Variants in SCN11A observed in about 807,000 individuals in gnomAD.
SCN11A encodes sodium voltage-gated channel alpha subunit 11, also known as sodium channel protein type 11 subunit alpha.
Under a neutral mutation model 162.2 loss-of-function variants are expected in SCN11A, and 122 were observed. The observed-to-expected ratio is 0.75, with a 90% CI of 0.65 to 0.87. SCN11A has a LOEUF of 0.87. Among genes scored for constraint, SCN11A ranks in the 40% least tolerant of loss-of-function variants. The pLI, the probability that SCN11A is intolerant of heterozygous loss-of-function variation, is 0.00. For missense variants in SCN11A, 2,015 were observed against 2,181.6 expected, an observed-to-expected ratio of 0.92 and a Z score of 1.52; for synonymous variants, 758 against 751.5, an observed-to-expected ratio of 1.01 and a Z score of -0.14.
At chr3:38,865,219 G>A (rs2065023383) in intron 27 of SCN11A, among the ~76,000 whole-genome samples, 1 of 152,166 alleles carries the variant, frequency 6.6e-6, no homozygotes. Flanking sequence ...ATGCATGTTT[G>A]AGATTTTCTG....
Position 38,867,209 on chromosome 3 carries a change from G to A in SCN11A, c.3951+112C>T, listed in dbSNP as rs1056086534. 8.6e-5 allele frequency: 86 copies of A among 995,924 alleles called. No homozygotes were observed. In the Middle Eastern group the frequency reaches 1.6e-3, roughly 19 times the overall value. 61.7% of individuals were successfully genotyped at this position (995,924 alleles called of 1,614,324 possible). On this transcript the variant is annotated intron_variant, in intron 27 of 29. Coordinates refer to ENST00000302328, the MANE Select transcript of SCN11A (RefSeq NM_001349253.2). Reference sequence around the variant, plus strand: ...CATGGGAGGCTCCCTCCTTGTTATTGTGCAGATCATAAAGGCTACTTTGTA... The same window carrying A: ...CATGGGAGGCTCCCTCCTTGTTATTATGCAGATCATAAAGGCTACTTTGTA...
chr3:39,020,406 G>C (rs760294793), intron 2 of SCN11A, among the ~76,000 whole-genome samples: 1 of 152,168 alleles, frequency 6.6e-6, no homozygotes, highest in Non-Finnish European at 1.5e-5. Flanking sequence ...GCAATGTGCC[G>C]ACAGGACAGT....
At chr3:38,892,011 A>G (rs1211157787) in intron 19 of SCN11A, among the ~76,000 whole-genome samples, 2 of 152,228 alleles carry the variant, frequency 1.3e-5, no homozygotes, top group Non-Finnish European at 2.9e-5. Flanking sequence ...GACAAAGAAA[A>G]GAGAAAATCT....
At chr3:38,944,518 G>A (rs935628500) in intron 7 of SCN11A, among the ~76,000 whole-genome samples, 5 of 151,532 alleles carry the variant, frequency 3.3e-5, no homozygotes, top group African/African-American at 7.3e-5. Context: ...AGTAGAGATG[G>A]GGTTTCACCA....
At chr3:38,902,422 A>G (rs551734190) in intron 16 of SCN11A, among the ~76,000 whole-genome samples, 1 of 152,298 alleles carries the variant, frequency 6.6e-6, no homozygotes, top group African/African-American at 2.4e-5. Context: ...CTGTGAGGAG[A>G]ACCACCCTGG....
chr3:39,023,155 A>C (rs2031497296), intron 2 of SCN11A, among the ~76,000 whole-genome samples: 1 of 152,218 alleles, frequency 6.6e-6, no homozygotes, highest in African/African-American at 2.4e-5. Context: ...GATTTGCTTC[A>C]ATATAATCTG....
intron 2 of SCN11A, among the ~76,000 whole-genome samples, chr3:39,014,260 T>C (rs1442753395): frequency 6.6e-6 from 1 of 152,194 alleles, no homozygotes; most frequent in Non-Finnish European, 1.5e-5. Context: ...CCTCATTGAG[T>C]AGAAATGCCT....
intron 1 of SCN11A, among the ~76,000 whole-genome samples, chr3:39,043,231 G>A (rs954398530): frequency 6.6e-6 from 1 of 152,108 alleles, no homozygotes; most frequent in South Asian, 2.1e-4. Context: ...AGGCACATTT[G>A]TACAACCATT....
intron 2 of SCN11A, among the ~76,000 whole-genome samples, chr3:38,994,101 T>C (rs1010756730): frequency 6.6e-6 from 1 of 152,196 alleles, no homozygotes; most frequent in Non-Finnish European, 1.5e-5. Flanking sequence ...GCTCCCCAAA[T>C]AAATTCTGTG....
chr3:38,887,492 CG>C (rs2065421970), intron 19 of SCN11A, among the ~76,000 whole-genome samples: 1 of 149,496 alleles, frequency 6.7e-6, no homozygotes, highest in Non-Finnish European at 1.5e-5. Context: ...TGCTAAATGA[CG>C]AGTTAATGCG....
In SCN11A at chr3:38,950,078, C is replaced by CCCCCCCCCCCCCCCCACCCCCCG. The variant is rs1553644472; in HGVS notation, c.267+17_267+18insCGGGGGGTGGGGGGGGGGGGGGG. Reference sequence around the variant, plus strand: ...GAACACCCCCACCCCCACCCCCCCCCCCCGCCCAATGAAGTACCTTATGAT... The same window carrying CCCCCCCCCCCCCCCCACCCCCCG: ...GAACACCCCCACCCCCACCCCCCCCCCCCCCCCCCCCCCCCACCCCCCGCCCGCCCAATGAAGTACCTTATGAT... On this transcript the variant is annotated intron_variant, in intron 5 of 29. Coordinates refer to ENST00000302328, the MANE Select transcript of SCN11A (RefSeq NM_001349253.2). 1 of 139,972 alleles carries CCCCCCCCCCCCCCCCACCCCCCG rather than the reference C, an allele frequency of 7.1e-6. No individual in the cohort carries two copies. The highest frequency in any genetic ancestry group is 3.6e-5 in the African/African-American group (1 of 27,718). The allele number at this position is 139,972 out of a possible 1,614,324, so 8.7% of individuals were successfully genotyped here. A position where few individuals can be genotyped will look rare whatever the true frequency, so the allele number is the denominator to read the frequency against.
chr3:38,865,412 T>C (rs13079538), intron 27 of SCN11A, among the ~76,000 whole-genome samples: 34,864 of 152,094 alleles, frequency 0.23, 4,129 homozygotes, highest in Non-Finnish European at 0.25. Flanking sequence ...GCAGAAGCAA[T>C]ACAGTTTGTG....
At chr3:38,875,952 C>T (rs957163440) in intron 23 of SCN11A, among the ~76,000 whole-genome samples, 2 of 151,902 alleles carry the variant, frequency 1.3e-5, no homozygotes, top group Non-Finnish European at 2.9e-5. Flanking sequence ...ATTTTCAGAC[C>T]TCTAACTGTA....
chr3:39,006,655 C>T (rs1388298828), intron 2 of SCN11A, among the ~76,000 whole-genome samples: 4 of 152,058 alleles, frequency 2.6e-5, no homozygotes, highest in Non-Finnish European at 5.9e-5. Context: ...CATGAAACTA[C>T]TTGAGCACAG....
intron 2 of SCN11A, among the ~76,000 whole-genome samples, chr3:39,017,876 C>T (rs766145685): frequency 2.0e-5 from 3 of 152,192 alleles, no homozygotes; most frequent in Non-Finnish European, 4.4e-5. Context: ...TACTCCTTTG[C>T]ATGCCTGGCA....
intron 19 of SCN11A, among the ~76,000 whole-genome samples, chr3:38,894,120 G>A (rs1349921794): frequency 6.6e-6 from 1 of 151,936 alleles, no homozygotes; most frequent in Non-Finnish European, 1.5e-5. Context: ...CCACAAGATT[G>A]GTCTCTGCAG....
Position 38,896,966 on chromosome 3 carries a change from A to G in SCN11A, c.2282T>C (p.Val761Ala), listed in dbSNP as rs766457059. 5.6e-6 allele frequency: 9 copies of G among 1,614,042 alleles called. No homozygotes were observed. Among genetic ancestry groups the G allele is most frequent in the African/African-American group, 4.0e-5 (3 of 74,904 alleles). ...MGDFWHSFLV[V>A]FRILCGEWIE... ...CCATTCCCCGCAGAGGATGCGGAAT[A>G]CCACTAGGAAGGAGTGCCAGAAATC... is the stretch of plus-strand genomic sequence containing the variant. Residue 761 changes from valine (V) to alanine (A), a missense_variant, in exon 18 of 30, where the codon GTA becomes GCA. By Grantham distance (64) the Val-to-Ala change is moderately conservative. Transcript: ENST00000302328.
intron 2 of SCN11A, among the ~76,000 whole-genome samples, chr3:38,997,045 C>T (rs2030667109): frequency 6.6e-6 from 1 of 152,120 alleles, no homozygotes; most frequent in Admixed American, 6.5e-5. Context: ...CTGCTTCCAC[C>T]CTTGCCCCCT....
At chr3:39,042,376 A>G (rs770655836) in intron 1 of SCN11A, among the ~76,000 whole-genome samples, 4 of 152,224 alleles carry the variant, frequency 2.6e-5, no homozygotes, top group Non-Finnish European at 5.9e-5. Flanking sequence ...AGAAATCCCA[A>G]TGAAATTTCT....
Sources: allele counts gnomAD v4.1 joint callset (sites outside exome capture counted in the v4.1 genomes callset), GRCh38; gene constraint gnomAD v4.1.1; transcripts MANE v1.5; gene names NCBI Gene and HGNC (gene_info 2026-07-23, HGNC 2026-07-21).